ZNF519: variants seen among roughly 807,000 people sequenced by gnomAD.
The protein encoded by ZNF519 is zinc finger protein 519, also known as similar to Zinc finger protein 85 (Zinc finger protein HPF4) (HTF1).
A neutral mutation model predicts 7.4 loss-of-function variants in ZNF519; 7 were observed. That is an observed-to-expected ratio of 0.94 (90% CI 0.54 to 1.77). ZNF519 has a LOEUF of 1.77. ZNF519 is among the 40% of genes most tolerant of loss of function. The pLI, the probability that ZNF519 is intolerant of heterozygous loss-of-function variation, is 0.00. For missense variants in ZNF519, 586 were observed against 623.1 expected (o/e 0.94, Z 0.63); for synonymous variants, 179 against 203.3 (o/e 0.88, Z 1.02).
intron 2 of ZNF519, among the ~76,000 whole-genome samples, chr18:14,122,792 T>A (rs960752814): frequency 8.5e-5 from 13 of 152,198 alleles, no homozygotes; most frequent in South Asian, 2.1e-4. Flanking sequence ...ATTTTTTTTT[T>A]ATTATACTTT....
At chr18:14,077,775 G>A (rs1057308502) in intron 4 of ZNF519, among the ~76,000 whole-genome samples, 2 of 152,124 alleles carry the variant, frequency 1.3e-5, no homozygotes, top group African/African-American at 4.8e-5. Flanking sequence ...TGGATTCTAT[G>A]CTTCCTTGAT....
chr18:14,087,793 T>C (rs16941576), intron 2 of ZNF519, among the ~76,000 whole-genome samples: 3,365 of 152,286 alleles, frequency 0.022, 127 homozygotes, highest in African/African-American at 0.074. Context: ...GTCATTATCA[T>C]ATAGGTCAAC....
intron 3 of ZNF519, among the ~76,000 whole-genome samples, chr18:14,080,997 A>G (rs567236189): frequency 6.6e-6 from 1 of 152,336 alleles, no homozygotes; most frequent in South Asian, 2.1e-4. Context: ...TGAAACAATT[A>G]GTGGAGTTTG....
downstream of ZNF519, chr18:14,074,933 C>T (rs1173451089): frequency 2.0e-5 from 3 of 152,026 alleles, no homozygotes; most frequent in African/African-American, 7.3e-5. Flanking sequence ...AAGACATACC[C>T]AAGACTGGGA....
chr18:14,104,723 C>G lies in ZNF519; in HGVS notation c.*194G>C. 1 of 477,074 alleles carries G rather than the reference C, an allele frequency of 2.1e-6. No homozygotes were observed. The highest frequency in any genetic ancestry group is 3.2e-5 in the East Asian group (1 of 30,976). 29.6% of individuals were successfully genotyped at this position (477,074 alleles called of 1,614,324 possible). On this transcript the variant is annotated 3_prime_UTR_variant, in exon 3 of 3. Transcript: ENST00000590202. Reference sequence around the variant, plus strand: ...ATTTGTTATAATAAACACACTGATTCAGAGTAATTTACGGAAGTGCTAGCA... The same window carrying G: ...ATTTGTTATAATAAACACACTGATTGAGAGTAATTTACGGAAGTGCTAGCA...
At chr18:14,120,589 A>T (rs1005740075) in intron 2 of ZNF519, among the ~76,000 whole-genome samples, 10 of 152,126 alleles carry the variant, frequency 6.6e-5, no homozygotes, top group Non-Finnish European at 8.8e-5. Context: ...GGAAAAAAAA[A>T]TTTTTTTAAA....
chr18:14,118,873 G>A (rs986746471), intron 2 of ZNF519, among the ~76,000 whole-genome samples: 1 of 152,140 alleles, frequency 6.6e-6, no homozygotes, highest in Non-Finnish European at 1.5e-5. Context: ...CACAGCCACA[G>A]TCCATGGCCA....
chr18:14,113,728 C>T (rs1006971026), intron 2 of ZNF519, among the ~76,000 whole-genome samples: 2 of 150,552 alleles, frequency 1.3e-5, no homozygotes, highest in East Asian at 3.9e-4. Context: ...AACTGTTCTC[C>T]ATAGTAGCTG....
downstream of ZNF519, chr18:14,073,125 T>C (rs2046034089): frequency 6.6e-6 from 1 of 152,156 alleles, no homozygotes; most frequent in Non-Finnish European, 1.5e-5. Flanking sequence ...CAATGATAAA[T>C]ATTACATGAT....
intron 2 of ZNF519, chr18:14,122,970 C>G (rs1050783156): frequency 1.4e-5 from 2 of 144,642 alleles, no homozygotes; most frequent in African/African-American, 2.6e-5. Flanking sequence ...TGATGTTCCC[C>G]TTCCTGTGTC....
chr18:14,101,529 G>A lies in ZNF519; in HGVS notation c.*3388C>T, dbSNP rs1255932274. ...GGGCTGAAGGAAGGAAACAGACTCA[G>A]GGTCCCTTGGATTAAAACTGTGGGT... On this transcript the variant is annotated 3_prime_UTR_variant, in exon 3 of 3. Transcript: ENST00000590202. The A allele has an allele frequency of 2.8e-5, 11 of 396,870 alleles. No individual in the cohort carries two copies. The highest frequency in any genetic ancestry group is 6.2e-5 in the African/African-American group (3 of 48,618). 24.6% of individuals were successfully genotyped at this position (396,870 alleles called of 1,614,324 possible). A position where few individuals can be genotyped will look rare whatever the true frequency, so the allele number is the denominator to read the frequency against.
chr18:14,115,781 T>A (rs1480495383), intron 2 of ZNF519, among the ~76,000 whole-genome samples: 2 of 152,206 alleles, frequency 1.3e-5, no homozygotes, highest in African/African-American at 2.4e-5. Flanking sequence ...TAAGACTTTA[T>A]GTGCAAAAAG....
In ZNF519 at chr18:14,103,508, T is replaced by C. The variant is rs538451145; in HGVS notation, c.*1409A>G. The C allele has an allele frequency of 6.6e-6, 1 of 152,210 alleles. No individual in the cohort carries two copies. The highest frequency in any genetic ancestry group is 1.9e-4 in the East Asian group (1 of 5,186). 9.4% of individuals were successfully genotyped at this position (152,210 alleles called of 1,614,324 possible). Reference sequence around the variant, plus strand: ...GATAAATGAAAATGAAGTTATGACATATCGAAACATGAGATGCAGCAAACT... The same window carrying C: ...GATAAATGAAAATGAAGTTATGACACATCGAAACATGAGATGCAGCAAACT... On this transcript the variant is annotated 3_prime_UTR_variant, in exon 3 of 3. Coordinates refer to ENST00000590202, the MANE Select transcript of ZNF519 (RefSeq NM_145287.4).
chr18:14,119,542 T>C (rs1406202552), intron 2 of ZNF519, among the ~76,000 whole-genome samples: 2 of 152,216 alleles, frequency 1.3e-5, no homozygotes, highest in East Asian at 3.8e-4. Context: ...CATATGTATA[T>C]AAAACCTTAG....
rs1567947712 is a variant in ZNF519 at position 14,105,463 on chromosome 18, C to T, written c.1077G>A (p.Arg359=). Residue 359 remains arginine (R), a synonymous_variant, in exon 3 of 3, where the codon AGG becomes AGA. Transcript: ENST00000590202. ...TCTGGTGTTGAGTAAGGTATGACCC[C>T]CTGTTAAAGGCTTTGCCACATTCTT... ...KCEECGKAFN[R]GSYLTQHQRI... The T allele has an allele frequency of 3.7e-6, 6 of 1,613,322 alleles. No homozygotes were observed. Among genetic ancestry groups the T allele is most frequent in the Non-Finnish European group, 4.2e-6 (5 of 1,179,822 alleles).
At chr18:14,112,645 T>C (rs1340736277) in intron 2 of ZNF519, among the ~76,000 whole-genome samples, 1 of 151,854 alleles carries the variant, frequency 6.6e-6, no homozygotes, top group Admixed American at 6.6e-5. Context: ...CAGTGAACAA[T>C]GTGAAAAAGA....
At chr18:14,098,674 C>G (rs1372952166), downstream of ZNF519, among the ~76,000 whole-genome samples, 1 of 152,128 alleles carries the variant, frequency 6.6e-6, no homozygotes, top group Non-Finnish European at 1.5e-5. Context: ...TCAAGATGCT[C>G]AAGGGAAAAG....
At chr18:14,124,282 C>G in intron 2 of ZNF519, 68 bp downstream of exon 2, 1 of 1,425,332 alleles carries the variant, frequency 7.0e-7, no homozygotes, top group Admixed American at 2.4e-5. Context: ...TCTCAAGAGA[C>G]AGTCTACAAA....
Position 14,094,933 on chromosome 18 carries a change from T to C in ZNF519, c.131-9857A>G, listed in dbSNP as rs58119288. On this transcript the variant is annotated intron_variant and NMD_transcript_variant, in intron 2 of 4. Coordinates refer to the ZNF519 transcript ENST00000587419. ...ATCTTTCAACTTACTCTGATAAATTTCTGAATTAGTGATCTGTGTTTTTTG... is the reference window on the plus strand; with the variant it reads ...ATCTTTCAACTTACTCTGATAAATTCCTGAATTAGTGATCTGTGTTTTTTG... 2.4e-3 allele frequency among the ~76,000 whole-genome samples: 371 copies of C among 152,330 alleles called. 4 individuals are homozygous for C. Among genetic ancestry groups the C allele is most frequent in the African/African-American group, 8.6e-3 (358 of 41,564 alleles).
Sources: allele counts gnomAD v4.1 joint callset (sites outside exome capture counted in the v4.1 genomes callset), GRCh38; gene constraint gnomAD v4.1.1; transcripts MANE v1.5; gene names NCBI Gene and HGNC (gene_info 2026-07-23, HGNC 2026-07-21).